The following TESC variants were observed in gnomAD, a reference collection of about 807,000 sequenced individuals.
TESC encodes the protein tescalcin.
TESC carries 19 observed loss-of-function variants against 31.0 expected under a neutral mutation model. The observed-to-expected ratio is 0.61, with a 90% confidence interval of 0.43 to 0.90. The LOEUF is 0.90. TESC is among the 40% of genes least tolerant of loss of function. TESC has a pLI of 0.00. For missense variants in TESC, 248 were observed against 303.8 expected (o/e 0.82, Z 1.36); for synonymous variants, 109 against 114.8 (o/e 0.95, Z 0.32).
chr12:117,040,092 A>C (rs1311219302), intron 7 of TESC, among the ~76,000 whole-genome samples: 1 of 152,244 alleles, frequency 6.6e-6, no homozygotes, highest in Non-Finnish European at 1.5e-5. Context: ...GACAGCCACG[A>C]GGCTGGTAAC....
chr12:117,074,012 C>T (rs1438521390), intron 2 of TESC, among the ~76,000 whole-genome samples: 1 of 152,106 alleles, frequency 6.6e-6, no homozygotes, highest in African/African-American at 2.4e-5. Context: ...CTGCTTGAGG[C>T]CAGGAGTTTG....
chr12:117,047,968 T>C (rs117991936), intron 4 of TESC, among the ~76,000 whole-genome samples: 1 of 152,072 alleles, frequency 6.6e-6, no homozygotes, highest in African/African-American at 2.4e-5. Context: ...AGCCCTGAAC[T>C]CGTGGCTTCA....
chr12:117,083,859 G>A (rs891043602), intron 1 of TESC: 1 of 152,208 alleles, frequency 6.6e-6, no homozygotes, highest in African/African-American at 2.4e-5. Context: ...CACTTTGGGA[G>A]GCTGAGGCGG....
chr12:117,079,891 A>G (rs1281215532), intron 1 of TESC, among the ~76,000 whole-genome samples: 1 of 152,218 alleles, frequency 6.6e-6, no homozygotes, highest in Non-Finnish European at 1.5e-5. Flanking sequence ...TGTGTGAATT[A>G]TATCTCAATA....
rs1433071826 is a variant in TESC, at chr12:117,046,542, G to T, written c.519+17C>A. The T allele has an allele frequency of 6.5e-7, 1 of 1,542,792 alleles. No individual in the cohort carries two copies. The highest frequency in any genetic ancestry group is 1.2e-5 in the South Asian group (1 of 83,710). On this transcript the variant is annotated intron_variant, in intron 6 of 7. Coordinates refer to ENST00000335209, the MANE Select transcript of TESC (RefSeq NM_017899.4). ...GAAAGGCACTGCGCGTCTCGGGAGG[G>T]CTGCAGGGGCGCTCACCATCTGCCC...
At chr12:117,081,859 G>T (rs776277912) in intron 1 of TESC, among the ~76,000 whole-genome samples, 1 of 152,050 alleles carries the variant, frequency 6.6e-6, no homozygotes, top group South Asian at 2.1e-4. Context: ...AGCCGAGATC[G>T]TGCCACTGCA....
chr12:117,059,256 T>G (rs1271792047), intron 2 of TESC, among the ~76,000 whole-genome samples: 1 of 152,228 alleles, frequency 6.6e-6, no homozygotes, highest in Non-Finnish European at 1.5e-5. Context: ...CTGCCCTGCC[T>G]TACGCATTGG....
chr12:117,061,760 G>A (rs1349959961), intron 2 of TESC, among the ~76,000 whole-genome samples: 1 of 152,154 alleles, frequency 6.6e-6, no homozygotes, highest in Non-Finnish European at 1.5e-5. Flanking sequence ...TCTGTGAGAT[G>A]GGTGCAGACC....
intron 2 of TESC, among the ~76,000 whole-genome samples, chr12:117,067,791 T>C (rs1259886196): frequency 6.6e-6 from 1 of 152,220 alleles, no homozygotes. Context: ...GATAATAATG[T>C]CAACCTCAGA....
intron 2 of TESC, among the ~76,000 whole-genome samples, chr12:117,069,006 C>A (rs1954925675): frequency 6.6e-6 from 1 of 152,188 alleles, no homozygotes; most frequent in Admixed American, 6.5e-5. Flanking sequence ...GTGGAGGTCG[C>A]CTCTGCTAGA....
intron 1 of TESC, among the ~76,000 whole-genome samples, chr12:117,089,464 A>G (rs2135801781): frequency 6.6e-6 from 1 of 152,368 alleles, no homozygotes; most frequent in African/African-American, 2.4e-5. Flanking sequence ...GACACAATTA[A>G]CAAAAGGAAT....
intron 2 of TESC, among the ~76,000 whole-genome samples, chr12:117,073,388 T>C (rs1177097742): frequency 6.6e-6 from 1 of 152,166 alleles, no homozygotes; most frequent in Admixed American, 6.5e-5. Context: ...GAATTAAAGG[T>C]ATAAATCTTA....
intron 1 of TESC, among the ~76,000 whole-genome samples, chr12:117,091,127 C>T (rs1461637602): frequency 1.3e-5 from 2 of 152,316 alleles, no homozygotes; most frequent in South Asian, 2.1e-4. Flanking sequence ...CCACCACCAG[C>T]GGAAATCACC....
intron 2 of TESC, among the ~76,000 whole-genome samples, chr12:117,072,306 A>T (rs572304122): frequency 1.3e-5 from 2 of 152,196 alleles, no homozygotes; most frequent in South Asian, 2.1e-4. Context: ...TGTGTTGCCC[A>T]GGTTGGGCTC....
In TESC at chr12:117,082,060, C is replaced by CAAA. The variant is rs61375772; in HGVS notation, c.59-6723_59-6721dup. On this transcript the variant is annotated intron_variant, in intron 1 of 7. Coordinates refer to ENST00000335209, the MANE Select transcript of TESC (RefSeq NM_017899.4). ...GCAAGACAGGAAGATCCCATCTATA[C>CAAA]AAAAAAAAAAAAAAATCAAAAAATT... Among the ~76,000 whole-genome samples the CAAA allele has an allele frequency of 1.6e-3, 186 of 119,104 alleles. 1 individual carries two copies. Among genetic ancestry groups the CAAA allele is most frequent in the African/African-American group, 5.2e-3 (169 of 32,730 alleles). The allele number at this position is 119,104 out of a possible 152,430, so 78.1% of individuals were successfully genotyped here.
At chr12:117,054,644 C>T (rs1377014471) in intron 3 of TESC, among the ~76,000 whole-genome samples, 1 of 152,216 alleles carries the variant, frequency 6.6e-6, no homozygotes, top group African/African-American at 2.4e-5. Context: ...TCCCCGTGAG[C>T]AGCACCCCAG....
chr12:117,050,844 G>A (rs181093062), intron 3 of TESC, among the ~76,000 whole-genome samples: 85 of 152,292 alleles, frequency 5.6e-4, no homozygotes, highest in Non-Finnish European at 7.5e-4. Flanking sequence ...AGGATCACTT[G>A]AGCCCAGGAG....
Position 117,075,903 on chromosome 12 carries a change from A to G in TESC, c.59-563T>C, listed in dbSNP as rs1477744097. Among the ~76,000 whole-genome samples, 15 of 82,758 alleles carry G rather than the reference A, an allele frequency of 1.8e-4. 1 individual carries two copies. Among genetic ancestry groups the G allele is most frequent in the African/African-American group, 1.0e-3 (12 of 11,946 alleles). 54.3% of individuals were successfully genotyped at this position (82,758 alleles called of 152,430 possible). A position where few individuals can be genotyped will look rare whatever the true frequency, so the allele number is the denominator to read the frequency against. ...TATATATATATATATATATATATAT[A>G]TATATATATATGTGTGTGTGTATAT... On this transcript the variant is annotated intron_variant, in intron 1 of 7. Transcript: ENST00000335209.
At chr12:117,075,869 A>ATG (rs869236765) in intron 1 of TESC, among the ~76,000 whole-genome samples, 409 of 31,416 alleles carry the variant, frequency 0.013, 26 homozygotes, top group African/African-American at 0.033. Context: ...ATATATATAT[A>ATG]TGTGTGTATA....
Sources: allele counts gnomAD v4.1 joint callset (sites outside exome capture counted in the v4.1 genomes callset), GRCh38; gene constraint gnomAD v4.1.1; transcripts MANE v1.5; gene names NCBI Gene and HGNC (gene_info 2026-07-23, HGNC 2026-07-21).